ZNF761: variants seen among roughly 807,000 people sequenced by gnomAD.
ZNF761 encodes the protein zinc finger protein 761.
In ZNF761, 43 loss-of-function variants were observed where a neutral mutation model predicts 59.9. That is an observed-to-expected ratio of 0.72 (90% confidence interval 0.56 to 0.92). ZNF761 has a LOEUF of 0.92. Ranked by LOEUF, ZNF761 falls within the 40% of genes least tolerant of loss-of-function variation. ZNF761 has a pLI of 0.00. For missense variants in ZNF761, 850 were observed against 906.1 expected (o/e 0.94, Z 0.79); for synonymous variants, 294 against 304.8 (o/e 0.96, Z 0.37).
At chr19:53,454,486 G>A (rs560233689) in intron 4 of ZNF761, among the ~76,000 whole-genome samples, 164 bp from the exon 5 acceptor site, 2 of 152,036 alleles carry the variant, frequency 1.3e-5, no homozygotes, top group Admixed American at 6.6e-5. Flanking sequence ...ACATGTAATC[G>A]CCCTTTATTT....
intron 1 of ZNF761, among the ~76,000 whole-genome samples, chr19:53,441,590 T>G (rs12984064): frequency 0.69 from 103,628 of 150,780 alleles, 36,161 homozygotes; most frequent in South Asian, 0.76. Flanking sequence ...GGGACTACAG[T>G]CCCGCACCAC....
chr19:53,446,866 T>C (rs1316562234), intron 2 of ZNF761, among the ~76,000 whole-genome samples: 2 of 152,140 alleles, frequency 1.3e-5, no homozygotes, highest in Non-Finnish European at 2.9e-5. Flanking sequence ...AAGAGATCTA[T>C]CTGCCTCAGC....
rs778530937 is a variant in ZNF761 at position 53,455,994 on chromosome 19, G to T, written c.1487G>T (p.Cys496Phe). Reference protein sequence around the residue: ...RIHTGEKPYKCNECGKTFSRK... With the variant: ...RIHTGEKPYKFNECGKTFSRK... ...CATACTGGAGAGAAACCATACAAGT[G>T]TAATGAGTGTGGCAAGACCTTTAGT... Residue 496 changes from cysteine to phenylalanine, a missense_variant, in exon 5 of 5, where the codon TGT becomes TTT. Physicochemically the swap from Cys to Phe is radical, Grantham distance 205. Coordinates refer to ENST00000684525, the MANE Select transcript of ZNF761 (RefSeq NM_001289951.2). 2 of 1,613,862 alleles carry T rather than the reference G, an allele frequency of 1.2e-6. No homozygotes were observed. Among genetic ancestry groups the T allele is most frequent in the African/African-American group, 1.3e-5 (1 of 74,890 alleles).
At chr19:53,432,616 C>T (rs925741556) in intron 1 of ZNF761, among the ~76,000 whole-genome samples, 3 of 152,144 alleles carry the variant, frequency 2.0e-5, no homozygotes, top group Non-Finnish European at 2.9e-5. Context: ...AATGCGCTCC[C>T]CCGGGATGCA....
chr19:53,446,952 AGGGACCCAGG>A (rs1342211004), intron 2 of ZNF761, among the ~76,000 whole-genome samples: 1 of 135,020 alleles, frequency 7.4e-6, no homozygotes, highest in African/African-American at 3.1e-5. Flanking sequence ...GGCTGGGTCT[AGGGACCCAGG>A]GCTGGGTCAG....
Position 53,449,628 on chromosome 19 carries a change from G to C in ZNF761, c.132G>C (p.Leu44=), listed in dbSNP as rs200902393. 2.5e-6 allele frequency: 4 copies of C among 1,608,030 alleles called. No homozygotes were observed. The highest frequency in any genetic ancestry group is 3.4e-6 in the Non-Finnish European group (4 of 1,177,398). ...RDVMLENYRN[L]VSLDISSKCT... is the part of the protein sequence containing the mutation. ...TGATGCTGGAGAATTATAGGAACCT[G>C]GTCTCCCTGGGTGAGGATAACTTCC... The change falls in exon 4 of 5, where the codon CTG becomes CTC. Residue 44 remains leucine, a synonymous_variant. Coordinates refer to ENST00000684525, the MANE Select transcript of ZNF761 (RefSeq NM_001289951.2).
At position 53,456,689 on chromosome 19, in the gene ZNF761, A is replaced by G. The variant is rs768388445; in HGVS notation, c.2182A>G (p.Ser728Gly). The change falls in exon 5 of 5, where the codon AGT (serine) becomes GGT (glycine). Residue 728 changes from serine (S) to glycine (G), a missense_variant. Coordinates refer to ENST00000684525, the MANE Select transcript of ZNF761 (RefSeq NM_001289951.2). Reference sequence around the variant, plus strand: ...GTGTAATGAGTGTGGCAAGACCTTTAGTCAGAAGTCAAACCTTACATGCCA... The same window carrying G: ...GTGTAATGAGTGTGGCAAGACCTTTGGTCAGAAGTCAAACCTTACATGCCA... ...YKCNECGKTF[S>G]QKSNLTCHRR... 40 of 1,613,888 alleles carry G rather than the reference A, an allele frequency of 2.5e-5. 1 individual carries two copies. The highest frequency in any genetic ancestry group is 1.6e-4 in the Middle Eastern group (1 of 6,076).
chr19:53,432,237 A>G (rs557275951), intron 1 of ZNF761, among the ~76,000 whole-genome samples: 47 of 152,202 alleles, frequency 3.1e-4, no homozygotes, highest in African/African-American at 1.0e-3. Flanking sequence ...TGTTTCTGCT[A>G]CAGGGCAATG....
chr19:53,441,947 G>C (rs972400110), intron 1 of ZNF761: 4 of 1,481,082 alleles, frequency 2.7e-6, no homozygotes, highest in Non-Finnish European at 3.7e-6. Flanking sequence ...GGAGTGAGCT[G>C]AGCACCTCCA....
chr19:53,448,190 G>A (rs1047677043), intron 3 of ZNF761, among the ~76,000 whole-genome samples: 2 of 152,072 alleles, frequency 1.3e-5, no homozygotes, highest in African/African-American at 4.8e-5. Context: ...TTTTATTAGC[G>A]ACGGGTATCA....
rs1330362040 is a variant in ZNF761 at position 53,454,614 on chromosome 19, C to G, written c.143-36C>G. On this transcript the variant is annotated intron_variant, in intron 4 of 4. Coordinates refer to ENST00000684525, the MANE Select transcript of ZNF761 (RefSeq NM_001289951.2). ...ATTTCAGCATTATTTACCATCTGTA[C>G]TTAATTTGAAAGCTTTCGGTGTTTA... 3 of 1,536,362 alleles carry G rather than the reference C, an allele frequency of 2.0e-6. No homozygotes were observed. The African/African-American group carries it at 4.2e-5, about 21-fold the overall frequency.
chr19:53,434,170 C>T (rs1223865142), intron 1 of ZNF761, among the ~76,000 whole-genome samples: 7 of 152,150 alleles, frequency 4.6e-5, no homozygotes, highest in Admixed American at 6.6e-5. Flanking sequence ...GCAATACCTT[C>T]GTGACTTATC....
intron 1 of ZNF761, among the ~76,000 whole-genome samples, chr19:53,438,660 G>A (rs368401677): frequency 1.9e-4 from 29 of 152,172 alleles, no homozygotes; most frequent in Non-Finnish European, 3.1e-4. Flanking sequence ...ATGTTGCTGC[G>A]TCTAAAAATT....
Position 53,457,588 on chromosome 19 carries a change from A to G in ZNF761, c.*840A>G, listed in dbSNP as rs1196095888. On this transcript the variant is annotated 3_prime_UTR_variant, in exon 5 of 5. Transcript: ENST00000684525. ...TAGTTGGTCCATATGCAATGAGTAG[A>G]GCAAACCATCAAGCATTAATTGACA... 5.7e-5 allele frequency: 16 copies of G among 281,102 alleles called. No individual in the cohort carries two copies. The highest frequency in any genetic ancestry group is 1.1e-4 in the Non-Finnish European group (16 of 140,152). The allele number at this position is 281,102 out of a possible 1,614,324, so 17.4% of individuals were successfully genotyped here. A position where few individuals can be genotyped will look rare whatever the true frequency, so the allele number is the denominator to read the frequency against.
At chr19:53,441,353 A>T (rs1261069041) in intron 1 of ZNF761, among the ~76,000 whole-genome samples, 2 of 150,574 alleles carry the variant, frequency 1.3e-5, no homozygotes, top group Non-Finnish European at 2.9e-5. Flanking sequence ...TGTGTAATAG[A>T]TTTACTTTAT....
chr19:53,455,265 A>G lies in ZNF761; in HGVS notation c.758A>G (p.Gln253Arg). ...KCDVCGKLFN[Q>R]KRNLACHRRC... ...GATGTATGTGGCAAGCTCTTTAATC[A>G]GAAGCGAAACCTAGCATGCCATCGT... is the stretch of plus-strand genomic sequence containing the variant. Residue 253 changes from glutamine (Q) to arginine (R), a missense_variant, in exon 5 of 5, where the codon CAG becomes CGG. Transcript: ENST00000684525. The G allele has an allele frequency of 1.2e-6, 2 of 1,614,240 alleles. No homozygotes were observed. Among genetic ancestry groups the G allele is most frequent in the Non-Finnish European group, 1.7e-6 (2 of 1,180,044 alleles).
intron 1 of ZNF761, among the ~76,000 whole-genome samples, chr19:53,440,867 C>G (rs1345358594): frequency 1.3e-5 from 2 of 152,034 alleles, no homozygotes; most frequent in Non-Finnish European, 1.5e-5. Flanking sequence ...GGTAGAAACG[C>G]GTTTCACTAC....
chr19:53,441,814 G>T (rs2086103846), intron 1 of ZNF761: 4 of 1,321,400 alleles, frequency 3.0e-6, no homozygotes, highest in South Asian at 1.2e-5. Context: ...CTGCAATGCC[G>T]AGTGGAGGAA....
chr19:53,456,191 C>T lies in ZNF761; in HGVS notation c.1684C>T (p.Gln562Ter). Residue 562 changes from glutamine (Q) to a stop codon, truncating the protein, a stop_gained, in exon 5 of 5, where the codon CAG becomes TAG. Transcript: ENST00000684525. LOFTEE classifies it high-confidence loss of function. ...GGAGTGTGGCAAGACCTTCAATCAG[C>T]AGTTAACCCTTAAACGCCATCGTAG... The part of the protein sequence containing the change: ...CKECGKTFNQ[Q>*]LTLKRHRRLH... 1 of 1,593,262 alleles carries T rather than the reference C, an allele frequency of 6.3e-7. No individual in the cohort carries two copies. Among genetic ancestry groups the T allele is most frequent in the Non-Finnish European group, 8.5e-7 (1 of 1,170,248 alleles).
Sources: allele counts gnomAD v4.1 joint callset (sites outside exome capture counted in the v4.1 genomes callset), GRCh38; gene constraint gnomAD v4.1.1; transcripts MANE v1.5; gene names NCBI Gene and HGNC (gene_info 2026-07-23, HGNC 2026-07-21).